The following ZNF891 variants were observed in gnomAD, a reference collection of about 807,000 sequenced individuals.
The protein encoded by ZNF891 is zinc finger protein 891.
For synonymous variants in ZNF891, 199 were observed against 209.0 expected, an observed-to-expected ratio of 0.95 and a Z score of 0.41; for missense variants, 589 against 632.7, an observed-to-expected ratio of 0.93 and a Z score of 0.74.
chr12:133,106,591 C>T lies in ZNF891; in HGVS notation c.*13693G>A. On this transcript the variant is annotated 3_prime_UTR_variant, in exon 2 of 2. Coordinates refer to ENST00000537226, the MANE Select transcript of ZNF891 (RefSeq NM_001277291.2). ...AACATCAGAGGACACACACTCTTGACAACCCCTATGAATATGAAAATTCAT... is the reference window on the plus strand; with the variant it reads ...AACATCAGAGGACACACACTCTTGATAACCCCTATGAATATGAAAATTCAT... 1 of 1,612,954 alleles carries T rather than the reference C, an allele frequency of 6.2e-7. No homozygotes were observed. The highest frequency in any genetic ancestry group is 8.5e-7 in the Non-Finnish European group (1 of 1,179,700).
intron 1 of ZNF891, 63 bp downstream of exon 1, chr12:133,130,164 G>A (rs984644752): frequency 1.3e-5 from 2 of 152,328 alleles, no homozygotes; most frequent in African/African-American, 4.8e-5. Context: ...AGAACTCAGC[G>A]GGCCAGGCTG....
In ZNF891 at chr12:133,120,994, T is replaced by C; in HGVS notation, c.925A>G (p.Lys309Glu). The change falls in exon 2 of 2, where the codon AAG (lysine) becomes GAG (glutamate). Residue 309 changes from lysine (K) to glutamate (E), a missense_variant. Physicochemically the swap from Lys to Glu is moderately conservative, Grantham distance 56. Transcript: ENST00000537226. The stretch of plus-strand genomic sequence containing the variant: ...TCAGTATGAGTTTGTCCTTGTTTCT[T>C]AAGGGATGATTGATGACACAGCGTT... ...DETLCHQSSL[K>E]KQGQTHTEKK... The C allele has an allele frequency of 6.5e-7, 1 of 1,535,700 alleles. No homozygotes were observed. The highest frequency in any genetic ancestry group is 8.7e-7 in the Non-Finnish European group (1 of 1,146,862).
chr12:133,105,477 A>G lies in ZNF891; in HGVS notation c.*14807T>C. 2 of 1,534,302 alleles carry G rather than the reference A, an allele frequency of 1.3e-6. No homozygotes were observed. The highest frequency in any genetic ancestry group is 8.7e-7 in the Non-Finnish European group (1 of 1,144,354). Reference sequence around the variant, plus strand: ...CCTTATTTTATTCAATACAGGAAAAAGAAACATTCACTTTTTTTTTGGTAT... The same window carrying G: ...CCTTATTTTATTCAATACAGGAAAAGGAAACATTCACTTTTTTTTTGGTAT... On this transcript the variant is annotated 3_prime_UTR_variant, in exon 2 of 2. Coordinates refer to ENST00000537226, the MANE Select transcript of ZNF891 (RefSeq NM_001277291.2).
Position 133,110,507 on chromosome 12 carries a change from T to C in ZNF891, c.*9777A>G, listed in dbSNP as rs909499976. ...AATCAATATTAGTAAAGAATAGTCA[T>C]GGGAGAATGACCACAATTCTGTATT... On this transcript the variant is annotated 3_prime_UTR_variant, in exon 2 of 2. Transcript: ENST00000537226. The C allele has an allele frequency of 6.6e-6, 1 of 152,212 alleles. No individual in the cohort carries two copies. Among genetic ancestry groups the C allele is most frequent in the Admixed American group, 6.5e-5 (1 of 15,278 alleles). 9.4% of individuals were successfully genotyped at this position (152,212 alleles called of 1,614,324 possible).
chr12:133,122,228 C>A, intron 1 of ZNF891: 1 of 1,047,786 alleles, frequency 9.5e-7, no homozygotes, highest in Non-Finnish European at 1.2e-6. Context: ...ATTCTTTGTA[C>A]TGGCTTCTCC....
In ZNF891 at chr12:133,106,088, A is replaced by G. The variant is rs757293179; in HGVS notation, c.*14196T>C. The G allele has an allele frequency of 1.2e-6, 2 of 1,614,044 alleles. No homozygotes were observed. The highest frequency in any genetic ancestry group is 1.7e-6 in the Non-Finnish European group (2 of 1,180,026). Reference sequence around the variant, plus strand: ...ACATCAAAGAATTCACATAGGAAAGAAACAATATATATGTAGGAAATGTGG... The same window carrying G: ...ACATCAAAGAATTCACATAGGAAAGGAACAATATATATGTAGGAAATGTGG... On this transcript the variant is annotated 3_prime_UTR_variant, in exon 2 of 2. Coordinates refer to ENST00000537226, the MANE Select transcript of ZNF891 (RefSeq NM_001277291.2).
chr12:133,124,700 A>C (rs185811138), intron 1 of ZNF891, among the ~76,000 whole-genome samples: 5 of 147,790 alleles, frequency 3.4e-5, no homozygotes, highest in East Asian at 4.1e-4. Context: ...AAACAACAAC[A>C]ACCTAGAATT....
In ZNF891 at chr12:133,109,553, A is replaced by G. The variant is rs181755510; in HGVS notation, c.*10731T>C. 5.9e-5 allele frequency: 9 copies of G among 152,378 alleles called. No homozygotes were observed. The East Asian group carries it at 1.7e-3, about 29-fold the overall frequency. The allele number at this position is 152,378 out of a possible 1,614,324, so 9.4% of individuals were successfully genotyped here. Reference sequence around the variant, plus strand: ...AGGGAGAGGCAGGTCCCTTTAAGAAAAACTATTGCAGTGGGGGACGGGGGG... The same window carrying G: ...AGGGAGAGGCAGGTCCCTTTAAGAAGAACTATTGCAGTGGGGGACGGGGGG... On this transcript the variant is annotated 3_prime_UTR_variant, in exon 2 of 2. Transcript: ENST00000537226.
chr12:133,105,835 G>GA lies in ZNF891; in HGVS notation c.*14448dup, dbSNP rs1955571131. On this transcript the variant is annotated 3_prime_UTR_variant, in exon 2 of 2. Coordinates refer to ENST00000537226, the MANE Select transcript of ZNF891 (RefSeq NM_001277291.2). ...TACACCAGAGGACTCATACTGGAGAGAAACCATATGCATGTAAGGAATGTG... is the reference window on the plus strand; with the variant it reads ...TACACCAGAGGACTCATACTGGAGAGAAAACCATATGCATGTAAGGAATGTG... 1 of 1,614,192 alleles carries GA rather than the reference G, an allele frequency of 6.2e-7. No individual in the cohort carries two copies. The highest frequency in any genetic ancestry group is 8.5e-7 in the Non-Finnish European group (1 of 1,180,042).
In ZNF891 at chr12:133,110,850, G is replaced by C. The variant is rs998103133; in HGVS notation, c.*9434C>G. 6.6e-6 allele frequency: 1 copy of C among 152,268 alleles called. No individual in the cohort carries two copies. Among genetic ancestry groups the C allele is most frequent in the Non-Finnish European group, 1.5e-5 (1 of 68,112 alleles). The allele number at this position is 152,268 out of a possible 1,614,324, so 9.4% of individuals were successfully genotyped here. A position where few individuals can be genotyped will look rare whatever the true frequency, so the allele number is the denominator to read the frequency against. ...CCTGTAATCCAAGCTACTCATGGAG[G>C]CTGAGGCATGGAGAATCACTTGAAC... On this transcript the variant is annotated 3_prime_UTR_variant, in exon 2 of 2. Transcript: ENST00000537226.
chr12:133,125,165 C>T (rs1206586448), intron 1 of ZNF891, among the ~76,000 whole-genome samples: 1 of 146,596 alleles, frequency 6.8e-6, no homozygotes, highest in African/African-American at 2.4e-5. Flanking sequence ...ACTGCCTATA[C>T]ATTAGTTACT....
Position 133,120,267 on chromosome 12 carries a change from T to A in ZNF891, c.*17A>T. ...CACCTTAAGACAATGAAAACAGCAA[T>A]TCCACATTCATAACACTTACAGGGT... On this transcript the variant is annotated 3_prime_UTR_variant, in exon 2 of 2. Coordinates refer to ENST00000537226, the MANE Select transcript of ZNF891 (RefSeq NM_001277291.2). The A allele has an allele frequency of 6.6e-7, 1 of 1,506,190 alleles. No individual in the cohort carries two copies. The highest frequency in any genetic ancestry group is 8.9e-7 in the Non-Finnish European group (1 of 1,128,402). The allele number at this position is 1,506,190 out of a possible 1,614,324, so 93.3% of individuals were successfully genotyped here. A position where few individuals can be genotyped will look rare whatever the true frequency, so the allele number is the denominator to read the frequency against.
At chr12:133,124,153 C>CA (rs1955792174) in intron 1 of ZNF891, among the ~76,000 whole-genome samples, 1 of 152,050 alleles carries the variant, frequency 6.6e-6, no homozygotes, top group Non-Finnish European at 1.5e-5. Context: ...TAATAGAAAA[C>CA]AAAACAGTAT....
At chr12:133,129,724 C>T (rs973405396) in intron 1 of ZNF891, among the ~76,000 whole-genome samples, 2 of 152,114 alleles carry the variant, frequency 1.3e-5, no homozygotes, top group Non-Finnish European at 2.9e-5. Context: ...AAAACACAAT[C>T]TTGTGAGCAT....
In ZNF891 at chr12:133,108,043, C is replaced by G. The variant is rs1955650803; in HGVS notation, c.*12241G>C. 2 of 152,140 alleles carry G rather than the reference C, an allele frequency of 1.3e-5. No individual in the cohort carries two copies. Among genetic ancestry groups the G allele is most frequent in the African/African-American group, 4.8e-5 (2 of 41,438 alleles). The allele number at this position is 152,140 out of a possible 1,614,324, so 9.4% of individuals were successfully genotyped here. ...ATTATCAGAAGTGTATTTCCTCAAA[C>G]CTGCCATTGGCATGCCATATTGGTA... On this transcript the variant is annotated 3_prime_UTR_variant, in exon 2 of 2. Transcript: ENST00000537226.
Position 133,106,832 on chromosome 12 carries a change from T to C in ZNF891, c.*13452A>G, listed in dbSNP as rs1479497819. On this transcript the variant is annotated 3_prime_UTR_variant, in exon 2 of 2. Transcript: ENST00000537226. The stretch of plus-strand genomic sequence containing the variant: ...AACCCAGGAATATGTGGAAAAGCCA[T>C]TAATAACCACTCTTTTATTTTTTTG... 2.1e-6 allele frequency: 1 copy of C among 482,814 alleles called. No homozygotes were observed. The highest frequency in any genetic ancestry group is 3.5e-6 in the Non-Finnish European group (1 of 282,954). 29.9% of individuals were successfully genotyped at this position (482,814 alleles called of 1,614,324 possible). A position where few individuals can be genotyped will look rare whatever the true frequency, so the allele number is the denominator to read the frequency against.
In ZNF891 at chr12:133,105,667, G is replaced by A; in HGVS notation, c.*14617C>T. ...AATGCAAGGATCATACTGAGATGCTGCAAGAAAATCAGGGATGTATTAGGA... is the reference window on the plus strand; with the variant it reads ...AATGCAAGGATCATACTGAGATGCTACAAGAAAATCAGGGATGTATTAGGA... On this transcript the variant is annotated 3_prime_UTR_variant, in exon 2 of 2. Coordinates refer to ENST00000537226, the MANE Select transcript of ZNF891 (RefSeq NM_001277291.2). 5 of 1,614,144 alleles carry A rather than the reference G, an allele frequency of 3.1e-6. No individual in the cohort carries two copies. The highest frequency in any genetic ancestry group is 4.2e-6 in the Non-Finnish European group (5 of 1,180,028).
rs993765546 is a variant in ZNF891 at position 133,118,267 on chromosome 12, T to C, written c.*2017A>G. The C allele has an allele frequency of 6.6e-6, 1 of 152,314 alleles. No individual in the cohort carries two copies. The highest frequency in any genetic ancestry group is 1.5e-5 in the Non-Finnish European group (1 of 68,158). The allele number at this position is 152,314 out of a possible 1,614,324, so 9.4% of individuals were successfully genotyped here. A position where few individuals can be genotyped will look rare whatever the true frequency, so the allele number is the denominator to read the frequency against. On this transcript the variant is annotated 3_prime_UTR_variant, in exon 2 of 2. Transcript: ENST00000537226. ...CTTCACCTTCCTTTTTGAAACTTGT[T>C]TGTCTTGGTTCAGTGAAACTCCACT...
chr12:133,120,202 T>C lies in ZNF891; in HGVS notation c.*82A>G. The C allele has an allele frequency of 1.7e-6, 2 of 1,167,756 alleles. No homozygotes were observed. Among genetic ancestry groups the C allele is most frequent in the Non-Finnish European group, 2.3e-6 (2 of 863,950 alleles). The allele number at this position is 1,167,756 out of a possible 1,614,324, so 72.3% of individuals were successfully genotyped here. A position where few individuals can be genotyped will look rare whatever the true frequency, so the allele number is the denominator to read the frequency against. On this transcript the variant is annotated 3_prime_UTR_variant, in exon 2 of 2. Transcript: ENST00000537226. ...AGAGCCATTTGTAACCTTAAATCGT[T>C]CTTTTAGAGAACAAAGACTGAGACA...
Sources: allele counts gnomAD v4.1 joint callset (sites outside exome capture counted in the v4.1 genomes callset), GRCh38; gene constraint gnomAD v4.1.1; transcripts MANE v1.5; gene names NCBI Gene and HGNC (gene_info 2026-07-23, HGNC 2026-07-21).